The following JAK2 variants were observed in gnomAD, a reference collection of about 807,000 sequenced individuals.
JAK2 encodes Janus kinase 2, also known as tyrosine-protein kinase JAK2.
JAK2 carries 86 observed loss-of-function variants against 139.3 expected under a neutral mutation model. The ratio of observed to expected loss-of-function variants is 0.62; its 90% CI spans 0.52 to 0.74. The LOEUF is 0.74. JAK2 is among the 30% of genes least tolerant of loss of function. The pLI is 0.00. For synonymous variants in JAK2, 490 were observed against 437.7 expected (o/e 1.12, Z -1.49); for missense variants, 1,421 against 1,360.3 (o/e 1.04, Z -0.70).
At chr9:5,072,118 G>T (rs973189125) in intron 12 of JAK2, among the ~76,000 whole-genome samples, 1 of 152,164 alleles carries the variant, frequency 6.6e-6, no homozygotes, top group Non-Finnish European at 1.5e-5. Flanking sequence ...GAGAAAGTCA[G>T]ATATTCTGCC....
chr9:5,074,879 T>C (rs1046690549), intron 14 of JAK2, among the ~76,000 whole-genome samples: 5 of 152,302 alleles, frequency 3.3e-5, no homozygotes, highest in African/African-American at 1.2e-4. Flanking sequence ...AGCTGAAAGC[T>C]AGGCCTCTTG....
chr9:5,030,979 A>T (rs564252582), intron 4 of JAK2, among the ~76,000 whole-genome samples: 1 of 152,296 alleles, frequency 6.6e-6, no homozygotes, highest in South Asian at 2.1e-4. Context: ...GATAAAGAAG[A>T]TCCTATGCAG....
At position 5,069,134 on chromosome 9, in the gene JAK2, G is replaced by T. The variant is rs62637623; in HGVS notation, c.1439G>T (p.Cys480Phe). 572 of 1,613,230 alleles carry T rather than the reference G, an allele frequency of 3.5e-4. 1 individual carries two copies. The African/African-American group carries it at 6.5e-3, about 18-fold the overall frequency. The change falls in exon 11 of 25, where the codon TGT (cysteine) becomes TTT (phenylalanine). Residue 480 changes from cysteine to phenylalanine, a missense_variant. Physicochemically the swap from Cys to Phe is radical, Grantham distance 205 (BLOSUM62 -2). Coordinates refer to ENST00000381652, the MANE Select transcript of JAK2 (RefSeq NM_004972.4). ...NFSSLKDLLN[C>F]YQMETVRSDN... ...AGCAGTCTTAAAGATCTTTTGAATTGTTACCAGATGGAAACTGTTCGCTCA... is the reference window on the plus strand; with the variant it reads ...AGCAGTCTTAAAGATCTTTTGAATTTTTACCAGATGGAAACTGTTCGCTCA...
intron 22 of JAK2, among the ~76,000 whole-genome samples, chr9:5,092,579 C>T (rs903284345): frequency 6.6e-6 from 1 of 152,030 alleles, no homozygotes; most frequent in African/African-American, 2.4e-5. Context: ...TATCTTGGCA[C>T]AATAGATACA....
chr9:5,082,656 G>C (rs1333994662), intron 19 of JAK2, among the ~76,000 whole-genome samples: 1 of 152,224 alleles, frequency 6.6e-6, no homozygotes, highest in African/African-American at 2.4e-5. Flanking sequence ...ATCACATGGG[G>C]AGAAACCTTG....
intron 22 of JAK2, among the ~76,000 whole-genome samples, chr9:5,121,426 T>C (rs1165107101): frequency 6.6e-6 from 1 of 152,216 alleles, no homozygotes; most frequent in Non-Finnish European, 1.5e-5. Flanking sequence ...GGAGTGACTT[T>C]GCTAATTGGC....
At chr9:5,076,932 T>C (rs1037570591) in intron 14 of JAK2, among the ~76,000 whole-genome samples, 1 of 145,162 alleles carries the variant, frequency 6.9e-6, no homozygotes, top group Admixed American at 7.0e-5. Context: ...AAAATATGTT[T>C]TATATATTTT....
intron 22 of JAK2, among the ~76,000 whole-genome samples, chr9:5,102,769 C>G (rs1451489325): frequency 6.6e-6 from 1 of 152,114 alleles, no homozygotes; most frequent in Admixed American, 6.5e-5. Flanking sequence ...ACTTTTCAAC[C>G]CAGAATTTCA....
At chr9:5,118,913 C>G (rs1413934077) in intron 22 of JAK2, among the ~76,000 whole-genome samples, 2 of 152,156 alleles carry the variant, frequency 1.3e-5, no homozygotes, top group Non-Finnish European at 2.9e-5. Flanking sequence ...TCAGGTTCAT[C>G]TGTTTTCTCA....
Position 5,081,821 on chromosome 9 carries a change from T to G in JAK2, c.2531T>G (p.Phe844Cys), listed in dbSNP as rs1819721752. 1 of 1,613,630 alleles carries G rather than the reference T, an allele frequency of 6.2e-7. No individual in the cohort carries two copies. Among genetic ancestry groups the G allele is most frequent in the Non-Finnish European group, 8.5e-7 (1 of 1,179,672 alleles). The change falls in exon 19 of 25, where the codon TTT becomes TGT. Residue 844 changes from phenylalanine (F) to cysteine (C), a missense_variant. By Grantham distance (205) the Phe-to-Cys change is radical. Coordinates refer to ENST00000381652, the MANE Select transcript of JAK2 (RefSeq NM_004972.4). ...GAFEDRDPTQ[F>C]EERHLKFLQQ... ...TTTGAAGACCGGGATCCTACACAGT[T>G]TGAAGAGAGACATTTGAAATTTCTA...
chr9:5,041,443 C>G lies in JAK2; in HGVS notation c.351-2960C>G, dbSNP rs1238900446. 6.5e-6 allele frequency: 4 copies of G among 619,676 alleles called. No individual in the cohort carries two copies. In the East Asian group the frequency reaches 1.3e-4, roughly 21 times the overall value. The allele number at this position is 619,676 out of a possible 1,614,324, so 38.4% of individuals were successfully genotyped here. A position where few individuals can be genotyped will look rare whatever the true frequency, so the allele number is the denominator to read the frequency against. On this transcript the variant is annotated intron_variant, in intron 4 of 24. Transcript: ENST00000381652. ...ACATGTTCATGTACTTCCTGTGCAG[C>G]AGCCTCCCCTGGCAGGGGCTCAAGG... is the stretch of plus-strand genomic sequence containing the variant.
In JAK2 at chr9:5,072,358, A is replaced by C. The variant is rs554118334; in HGVS notation, c.1642-134A>C. On this transcript the variant is annotated intron_variant, in intron 12 of 24. Coordinates refer to ENST00000381652, the MANE Select transcript of JAK2 (RefSeq NM_004972.4). Reference sequence around the variant, plus strand: ...ATAAAAGCATTAATTTGGAGTCTTAAATCTGGATTTAGATTCTAAGGAAAA... The same window carrying C: ...ATAAAAGCATTAATTTGGAGTCTTACATCTGGATTTAGATTCTAAGGAAAA... 4.9e-5 allele frequency: 28 copies of C among 571,088 alleles called. No homozygotes were observed. The South Asian group carries it at 1.0e-3, about 21-fold the overall frequency. 35.4% of individuals were successfully genotyped at this position (571,088 alleles called of 1,614,324 possible). A position where few individuals can be genotyped will look rare whatever the true frequency, so the allele number is the denominator to read the frequency against.
intron 2 of JAK2, among the ~76,000 whole-genome samples, chr9:5,008,140 G>T (rs958258311): frequency 6.6e-6 from 1 of 152,082 alleles, no homozygotes; most frequent in Non-Finnish European, 1.5e-5. Flanking sequence ...TATTTGTTCA[G>T]TACTTTTAAG....
rs1404302691 is a variant in JAK2, at chr9:5,127,290, C to G, written c.*499C>G. 2 of 232,128 alleles carry G rather than the reference C, an allele frequency of 8.6e-6. No homozygotes were observed. The highest frequency in any genetic ancestry group is 2.2e-5 in the African/African-American group (1 of 45,222). The allele number at this position is 232,128 out of a possible 1,614,324, so 14.4% of individuals were successfully genotyped here. On this transcript the variant is annotated 3_prime_UTR_variant, in exon 25 of 25. Transcript: ENST00000381652. ...ATCTATAATTAATTACTTCACTATA[C>G]AAACAAATTAAGATGTTCAGATAAT...
chr9:5,114,770 G>A (rs983248413), intron 22 of JAK2: 7 of 327,884 alleles, frequency 2.1e-5, no homozygotes, highest in East Asian at 1.6e-4. Flanking sequence ...CTGGCTCACA[G>A]ACCGTCAAGT....
chr9:5,004,497 A>G (rs1389604272), intron 2 of JAK2, among the ~76,000 whole-genome samples: 3 of 152,144 alleles, frequency 2.0e-5, no homozygotes, highest in East Asian at 1.9e-4. Context: ...ATTATATTCT[A>G]TTGTGTACAT....
intron 4 of JAK2, among the ~76,000 whole-genome samples, chr9:5,032,771 G>A (rs1449411041): frequency 2.6e-5 from 4 of 152,114 alleles, no homozygotes; most frequent in Non-Finnish European, 5.9e-5. Context: ...AAGACAAAAG[G>A]TAGATAAAAC....
At chr9:5,105,625 G>T (rs925782631) in intron 22 of JAK2, among the ~76,000 whole-genome samples, 10 of 152,124 alleles carry the variant, frequency 6.6e-5, no homozygotes, top group African/African-American at 2.4e-4. Flanking sequence ...TAAGCCAAAA[G>T]AACAAAGCTG....
chr9:5,021,169 C>G (rs928547071), intron 2 of JAK2, among the ~76,000 whole-genome samples: 2 of 152,064 alleles, frequency 1.3e-5, no homozygotes, highest in Non-Finnish European at 2.9e-5. Flanking sequence ...GCAGGCTGCC[C>G]CACTTCCCTC....
Sources: gnomAD v4.1 joint callset for allele counts (sites outside exome capture counted in the v4.1 genomes callset) on GRCh38, gnomAD v4.1.1 for gene constraint, MANE v1.5 for transcripts, NCBI Gene and HGNC (gene_info 2026-07-23, HGNC 2026-07-21) for gene names.